The following DOCK3 variants were observed in gnomAD, a reference collection of about 807,000 sequenced individuals.
DOCK3 encodes dedicator of cytokinesis 3, also known as dedicator of cytokinesis protein 3.
Under a neutral mutation model 265.6 loss-of-function variants are expected in DOCK3, and 60 were observed. The observed-to-expected ratio is 0.23, with a 90% CI of 0.18 to 0.28. The LOEUF (loss-of-function observed/expected upper bound fraction) is 0.28. Among genes scored for constraint, DOCK3 ranks in the 10% least tolerant of loss-of-function variants. DOCK3 has a pLI of 1.00. For missense variants in DOCK3, 1,981 were observed against 2,594.3 expected, an observed-to-expected ratio of 0.76 and a Z score of 5.14; for synonymous variants, 881 against 938.0, an observed-to-expected ratio of 0.94 and a Z score of 1.11.
chr3:50,891,711 C>T (rs1479596232), intron 4 of DOCK3, among the ~76,000 whole-genome samples: 1 of 151,976 alleles, frequency 6.6e-6, no homozygotes, highest in African/African-American at 2.4e-5. Flanking sequence ...TGAAAGTGGG[C>T]AGAAGCTGTG....
chr3:51,362,069 A>G, intron 48 of DOCK3, 72 bp downstream of exon 48: 1 of 1,503,946 alleles, frequency 6.6e-7, no homozygotes, highest in Non-Finnish European at 8.9e-7. Context: ...TGCAATGTCT[A>G]GTCTGAGGGC....
intron 5 of DOCK3, 132 bp downstream of exon 5, chr3:50,934,209 A>G (rs2051230910): frequency 1.5e-6 from 1 of 656,874 alleles, no homozygotes; most frequent in Admixed American, 3.3e-5. Flanking sequence ...CTTAATATTT[A>G]CTGAAACATA....
chr3:51,077,420 G>A (rs953124276), intron 7 of DOCK3, among the ~76,000 whole-genome samples: 3 of 152,154 alleles, frequency 2.0e-5, no homozygotes, highest in East Asian at 3.9e-4. Flanking sequence ...AGTGGGGCAA[G>A]AATAGAAGTA....
intron 1 of DOCK3, among the ~76,000 whole-genome samples, chr3:50,679,105 G>T (rs1445063252): frequency 1.3e-5 from 2 of 152,114 alleles, no homozygotes; most frequent in African/African-American, 4.8e-5. Context: ...GAACCACTGC[G>T]CCCAGCCTTG....
chr3:51,159,200 T>A, intron 10 of DOCK3, 44 bp from the exon 11 acceptor site: 1 of 1,579,286 alleles, frequency 6.3e-7, no homozygotes, highest in Non-Finnish European at 8.7e-7. Context: ...TTTTAATTAT[T>A]TTCTGTGTAT....
chr3:50,949,372 A>T (rs753691501), intron 5 of DOCK3, among the ~76,000 whole-genome samples: 54 of 152,226 alleles, frequency 3.5e-4, no homozygotes, highest in Non-Finnish European at 6.6e-4. Flanking sequence ...AGAAGAAGAA[A>T]AAATAATGAC....
intron 10 of DOCK3, among the ~76,000 whole-genome samples, chr3:51,152,808 C>G (rs1371178638): frequency 6.6e-6 from 1 of 152,194 alleles, no homozygotes; most frequent in Non-Finnish European, 1.5e-5. Context: ...CCCTGTTTGC[C>G]TGAGTATCAC....
At chr3:50,779,009 T>C (rs894538081) in intron 2 of DOCK3, among the ~76,000 whole-genome samples, 1 of 152,218 alleles carries the variant, frequency 6.6e-6, no homozygotes, top group African/African-American at 2.4e-5. Context: ...CATATATTTA[T>C]GGGGTACTTG....
chr3:50,700,468 ACT>A (rs1279744821), intron 1 of DOCK3, among the ~76,000 whole-genome samples: 3 of 151,808 alleles, frequency 2.0e-5, no homozygotes, highest in African/African-American at 4.8e-5. Context: ...CCATCATTCT[ACT>A]CTCTACATCC....
At chr3:51,236,213 G>A in intron 19 of DOCK3, 132 bp from the exon 20 acceptor site, 1 of 737,110 alleles carries the variant, frequency 1.4e-6, no homozygotes, top group Middle Eastern at 2.5e-4. Context: ...CTAGTACGAT[G>A]ATTTTTAAGT....
intron 1 of DOCK3, among the ~76,000 whole-genome samples, chr3:50,742,189 G>C (rs13100927): frequency 0.07 from 10,663 of 151,970 alleles, 947 homozygotes; most frequent in East Asian, 0.33. Flanking sequence ...ACCAAAAACC[G>C]ATCTGTACAT....
chr3:51,308,455 C>T (rs1351233727), intron 27 of DOCK3, among the ~76,000 whole-genome samples: 2 of 151,470 alleles, frequency 1.3e-5, no homozygotes, highest in African/African-American at 4.9e-5. Flanking sequence ...ATCTGTTTAA[C>T]AAAGCACATC....
chr3:50,854,592 G>GTTTTTTTTTGTTTT (rs2046497256), intron 3 of DOCK3, among the ~76,000 whole-genome samples: 1 of 47,214 alleles, frequency 2.1e-5, no homozygotes, highest in African/African-American at 8.5e-5. Flanking sequence ...CATCACACCA[G>GTTTTTTTTTGTTTT]TTTTTTTTTT....
intron 1 of DOCK3, among the ~76,000 whole-genome samples, chr3:50,747,495 T>C (rs2039518721): frequency 6.6e-6 from 1 of 152,250 alleles, no homozygotes; most frequent in African/African-American, 2.4e-5. Context: ...AGTATGCAGA[T>C]GTTTCATTTA....
At chr3:50,919,658 G>T (rs1360480407) in intron 4 of DOCK3, among the ~76,000 whole-genome samples, 1 of 152,118 alleles carries the variant, frequency 6.6e-6, no homozygotes, top group Admixed American at 6.5e-5. Flanking sequence ...GGGCTGAGAT[G>T]ATAGGGTTTT....
At chr3:51,079,094 C>G (rs1449749006) in intron 7 of DOCK3, among the ~76,000 whole-genome samples, 2 of 152,082 alleles carry the variant, frequency 1.3e-5, no homozygotes, top group East Asian at 3.9e-4. Flanking sequence ...TTTGTGTTAA[C>G]ATGTAAATCT....
rs1309274696 is a variant in DOCK3, at chr3:51,374,497, C to A, written c.5322C>A (p.Arg1774=). Reference sequence around the variant, plus strand: ...CTCCCTCTCTGCCAGATAAGTACCGCCATGCCCGTGAAATGATGTTGTTGC... The same window carrying A: ...CTCCCTCTCTGCCAGATAAGTACCGACATGCCCGTGAAATGATGTTGTTGC... ...RGSPSLPDKY[R]HAREMMLLLP... is the part of the protein sequence containing the mutation. The change falls in exon 50 of 53, where the codon CGC becomes CGA. Residue 1774 remains arginine, a synonymous_variant. Coordinates refer to ENST00000266037, the MANE Select transcript of DOCK3 (RefSeq NM_004947.5). The surrounding 1 kb of genome is among the most constrained non-coding windows in gnomAD (Gnocchi z 4.8). The A allele has an allele frequency of 6.2e-7, 1 of 1,613,730 alleles. No individual in the cohort carries two copies. Among genetic ancestry groups the A allele is most frequent in the Admixed American group, 1.7e-5 (1 of 60,006 alleles).
intron 35 of DOCK3, among the ~76,000 whole-genome samples, chr3:51,333,598 G>T (rs2084672470): frequency 6.6e-6 from 1 of 152,190 alleles, no homozygotes; most frequent in Non-Finnish European, 1.5e-5. Flanking sequence ...CCAGAGCAGG[G>T]CAGGGAACAG....
intron 2 of DOCK3, among the ~76,000 whole-genome samples, chr3:50,836,009 A>G (rs1036314983): frequency 6.6e-6 from 1 of 152,158 alleles, no homozygotes; most frequent in African/African-American, 2.4e-5. Context: ...TATATTTCCT[A>G]CCAAAGTATA....
Sources: gnomAD v4.1 joint callset for allele counts (sites outside exome capture counted in the v4.1 genomes callset) on GRCh38, gnomAD v4.1.1 for gene constraint, Gnocchi (gnomAD v3.1) non-coding constraint, MANE v1.5 for transcripts, NCBI Gene and HGNC (gene_info 2026-07-23, HGNC 2026-07-21) for gene names.